CBR4: variants seen among roughly 807,000 people sequenced by gnomAD.
CBR4 encodes carbonyl reductase 4.
Under a neutral mutation model 21.0 loss-of-function variants are expected in CBR4, and 22 were observed. That is an observed-to-expected ratio of 1.05 (90% CI 0.75 to 1.50). The LOEUF is 1.50. Among genes scored for constraint, CBR4 ranks in the 40% most tolerant of loss-of-function variants. The pLI is 0.00. For synonymous variants in CBR4, 100 were observed against 104.4 expected (o/e 0.96, Z 0.26); for missense variants, 302 against 286.3 (o/e 1.05, Z -0.40).
chr4:168,966,971 C>T (rs903473909), intron 2 of CBR4, among the ~76,000 whole-genome samples: 66 of 150,764 alleles, frequency 4.4e-4, no homozygotes, highest in Non-Finnish European at 8.2e-4. Context: ...GTCCAGATTG[C>T]GCCACTGCAC....
chr4:169,009,933 C>T lies in CBR4; in HGVS notation c.142+15G>A. The stretch of plus-strand genomic sequence containing the variant: ...CCGCGGCCATACAACTGGACAACTC[C>T]AGTTTGGTACCTACCGCCGAGGTCA... On this transcript the variant is annotated intron_variant, in intron 1 of 4. Coordinates refer to ENST00000306193, the MANE Select transcript of CBR4 (RefSeq NM_032783.5). 1.2e-6 allele frequency: 2 copies of T among 1,606,740 alleles called. No homozygotes were observed. The highest frequency in any genetic ancestry group is 8.5e-7 in the Non-Finnish European group (1 of 1,177,068).
chr4:169,009,825 C>T, intron 1 of CBR4, 123 bp downstream of exon 1: 4 of 875,618 alleles, frequency 4.6e-6, no homozygotes, highest in Non-Finnish European at 6.8e-6. Flanking sequence ...AGAGCGCCTG[C>T]ACGCGGCTAC....
intron 4 of CBR4, among the ~76,000 whole-genome samples, chr4:169,000,934 A>G (rs1228784189): frequency 6.6e-6 from 1 of 152,166 alleles, no homozygotes; most frequent in East Asian, 1.9e-4. Flanking sequence ...AAAACTATCT[A>G]AAGTTTGTGT....
At chr4:168,994,922 T>C (rs908842184) in intron 4 of CBR4, among the ~76,000 whole-genome samples, 1 of 151,904 alleles carries the variant, frequency 6.6e-6, no homozygotes, top group Non-Finnish European at 1.5e-5. Context: ...ACCAGGCTAA[T>C]TTTGTATTTT....
At chr4:168,925,975 A>AGAT (rs1491469881) in intron 2 of CBR4, among the ~76,000 whole-genome samples, 1 of 152,126 alleles carries the variant, frequency 6.6e-6, no homozygotes, top group African/African-American at 2.4e-5. Context: ...AAAAAAAAAA[A>AGAT]AGATAAACTA....
At chr4:169,001,234 T>C (rs1730403098) in intron 4 of CBR4, 1 of 151,710 alleles carries the variant, frequency 6.6e-6, no homozygotes, top group Admixed American at 6.6e-5. Context: ...ACAATACTCC[T>C]GCCTCAGCCT....
chr4:168,988,437 A>G lies in CBR4; in HGVS notation c.*1713T>C, dbSNP rs1054373652. The G allele has an allele frequency of 1.0e-6, 1 of 985,344 alleles. No homozygotes were observed. Among genetic ancestry groups the G allele is most frequent in the Non-Finnish European group, 1.2e-6 (1 of 829,950 alleles). The allele number at this position is 985,344 out of a possible 1,614,324, so 61.0% of individuals were successfully genotyped here. A position where few individuals can be genotyped will look rare whatever the true frequency, so the allele number is the denominator to read the frequency against. On this transcript the variant is annotated 3_prime_UTR_variant, in exon 5 of 5. Coordinates refer to ENST00000306193, the MANE Select transcript of CBR4 (RefSeq NM_032783.5). ...TCAGCCTCGCTCATGATTTCAGAGC[A>G]TAAGGTGTCCAGAGAAGAAAACTCA... is the stretch of plus-strand genomic sequence containing the variant.
At chr4:168,959,843 G>A (rs1413803895) in intron 2 of CBR4, among the ~76,000 whole-genome samples, 6 of 148,424 alleles carry the variant, frequency 4.0e-5, no homozygotes, top group East Asian at 2.0e-4. Flanking sequence ...GATTACAGGC[G>A]TGAGCCACCA....
At chr4:168,999,178 CTAATT>C (rs1343855542) in intron 4 of CBR4, among the ~76,000 whole-genome samples, 1 of 152,024 alleles carries the variant, frequency 6.6e-6, no homozygotes, top group Non-Finnish European at 1.5e-5. Flanking sequence ...GAATCGCAGC[CTAATT>C]TATTATTTTC....
chr4:168,917,762 G>A (rs1760494570), intron 2 of CBR4, among the ~76,000 whole-genome samples: 1 of 152,010 alleles, frequency 6.6e-6, no homozygotes, highest in Non-Finnish European at 1.5e-5. Context: ...ATTTTTTACA[G>A]TATAAATACA....
At chr4:168,997,803 T>C (rs1043428228) in intron 4 of CBR4, among the ~76,000 whole-genome samples, 1 of 152,186 alleles carries the variant, frequency 6.6e-6, no homozygotes, top group Admixed American at 6.5e-5. Flanking sequence ...GATGGGGCAC[T>C]ATTTGATGTA....
chr4:168,908,053 A>G (rs1758176998), intron 2 of CBR4, among the ~76,000 whole-genome samples: 1 of 152,226 alleles, frequency 6.6e-6, no homozygotes, highest in Admixed American at 6.5e-5. Flanking sequence ...AAATGTATAT[A>G]TCCCACTGAA....
intron 2 of CBR4, among the ~76,000 whole-genome samples, chr4:168,961,102 C>T (rs1428451231): frequency 6.6e-6 from 1 of 152,112 alleles, no homozygotes; most frequent in African/African-American, 2.4e-5. Context: ...CAGCACTGAC[C>T]AACTGAAAGG....
intron 4 of CBR4, 52 bp from the exon 5 acceptor site, chr4:168,990,380 C>T (rs1450169030): frequency 7.5e-7 from 1 of 1,340,240 alleles, no homozygotes; most frequent in Non-Finnish European, 9.8e-7. Flanking sequence ...AAGACATCTG[C>T]TGAATTTCAA....
At chr4:168,947,683 T>A (rs980634279) in intron 2 of CBR4, among the ~76,000 whole-genome samples, 4 of 152,164 alleles carry the variant, frequency 2.6e-5, no homozygotes, top group Non-Finnish European at 5.9e-5. Flanking sequence ...AACAGTCTCA[T>A]CCAGGTTGCT....
intron 2 of CBR4, chr4:168,898,423 G>C: frequency 1.0e-6 from 1 of 952,578 alleles, no homozygotes; most frequent in Non-Finnish European, 1.7e-6. Flanking sequence ...GCCTTATTGG[G>C]GGGCAGGGAG....
intron 2 of CBR4, among the ~76,000 whole-genome samples, chr4:168,971,986 A>C (rs1764226091): frequency 1.3e-5 from 2 of 152,192 alleles, no homozygotes; most frequent in Non-Finnish European, 2.9e-5. Flanking sequence ...ATGAGAACCC[A>C]GTTTCATTCT....
intron 3 of CBR4, chr4:169,005,768 A>G (rs2126869537): frequency 1.5e-6 from 1 of 649,588 alleles, no homozygotes; most frequent in African/African-American, 1.9e-5. Flanking sequence ...AAATGCTCTC[A>G]TGTCCCCTTA....
chr4:168,927,112 G>GCAGAAATATATTA (rs1251598682), intron 2 of CBR4: 7 of 225,400 alleles, frequency 3.1e-5, no homozygotes, highest in African/African-American at 4.5e-5. Flanking sequence ...TCTGAATAAA[G>GCAGAAATATATTA]CAGAAATATA....
Sources: allele counts gnomAD v4.1 joint callset (sites outside exome capture counted in the v4.1 genomes callset), GRCh38; gene constraint gnomAD v4.1.1; transcripts MANE v1.5; gene names NCBI Gene and HGNC (gene_info 2026-07-23, HGNC 2026-07-21).